CIT: variants seen among roughly 807,000 people sequenced by gnomAD.
CIT encodes the protein citron Rho-interacting kinase.
In CIT, 79 loss-of-function variants were observed where a neutral mutation model predicts 272.7. The ratio of observed to expected loss-of-function variants is 0.29; its 90% CI spans 0.24 to 0.35. CIT has a LOEUF of 0.35. Ranked by LOEUF, CIT falls within the 10% of genes least tolerant of loss-of-function variation. The pLI, the probability that CIT is intolerant of heterozygous loss-of-function variation, is 1.00. For missense variants in CIT, 1,909 were observed against 2,618.3 expected (o/e 0.73, Z 5.91); for synonymous variants, 948 against 995.6 (o/e 0.95, Z 0.90).
intron 7 of CIT, among the ~76,000 whole-genome samples, chr12:119,828,657 G>C (rs569641196): frequency 7.0e-4 from 106 of 151,976 alleles, no homozygotes; most frequent in African/African-American, 2.5e-3. Context: ...CCAGCCCCTG[G>C]GTTCAAGCAA....
At chr12:119,774,574 G>A (rs1258855648) in intron 16 of CIT, among the ~76,000 whole-genome samples, 2 of 152,114 alleles carry the variant, frequency 1.3e-5, no homozygotes, top group Non-Finnish European at 2.9e-5. Flanking sequence ...GTGTGTGTGT[G>A]TGTGTGTGTG....
intron 9 of CIT, among the ~76,000 whole-genome samples, chr12:119,807,224 G>A (rs930821259): frequency 9.9e-5 from 15 of 152,114 alleles, no homozygotes; most frequent in South Asian, 2.1e-4. Context: ...ACAAAGAGAC[G>A]GAAAACATGA....
chr12:119,781,966 GC>G (rs112039765), intron 13 of CIT, among the ~76,000 whole-genome samples: 7,984 of 152,176 alleles, frequency 0.052, 658 homozygotes, highest in African/African-American at 0.18. Context: ...TTTCAGCTTT[GC>G]AGGCCACATG....
At chr12:119,698,164 C>T in intron 44 of CIT, 110 bp from the exon 45 acceptor site, 1 of 917,240 alleles carries the variant, frequency 1.1e-6, no homozygotes, top group Non-Finnish European at 1.8e-6. Flanking sequence ...TGTAAAGCAA[C>T]TCACCCAACA....
Position 119,713,418 on chromosome 12 carries a change from A to G in CIT, c.4487+50T>C. 6.3e-7 allele frequency: 1 copy of G among 1,599,340 alleles called. No individual in the cohort carries two copies. Among genetic ancestry groups the G allele is most frequent in the Non-Finnish European group, 8.5e-7 (1 of 1,170,070 alleles). On this transcript the variant is annotated intron_variant, in intron 34 of 47. Transcript: ENST00000392521. The surrounding 1 kb of genome is among the most constrained non-coding windows in gnomAD (Gnocchi z 5.2). The stretch of plus-strand genomic sequence containing the variant: ...CTTCCCTAGAAAACATCAGGGACAG[A>G]GTGGCTTGTGCCAGCACCTGCTCCA...
intron 7 of CIT, among the ~76,000 whole-genome samples, chr12:119,827,126 G>A (rs554076513): frequency 2.0e-5 from 3 of 152,144 alleles, no homozygotes; most frequent in East Asian, 3.9e-4. Context: ...ATTGTCCACC[G>A]GTTTGGGCAA....
intron 9 of CIT, among the ~76,000 whole-genome samples, chr12:119,817,369 G>A (rs1452721870): frequency 9.2e-5 from 14 of 151,980 alleles, no homozygotes; most frequent in South Asian, 2.1e-4. Flanking sequence ...AAAATTAGCC[G>A]GGCGTGTTGG....
chr12:119,853,568 G>A (rs1238280227), intron 4 of CIT, among the ~76,000 whole-genome samples: 1 of 151,916 alleles, frequency 6.6e-6, no homozygotes, highest in African/African-American at 2.4e-5. Context: ...CGTGAGCAAA[G>A]TCACAGGTTT....
intron 9 of CIT, among the ~76,000 whole-genome samples, chr12:119,812,800 A>G (rs1966863547): frequency 6.7e-6 from 1 of 148,688 alleles, no homozygotes; most frequent in African/African-American, 2.5e-5. Flanking sequence ...GGTTGGAGAC[A>G]TCGCACCCGG....
At chr12:119,756,844 A>G (rs532326114) in intron 22 of CIT, among the ~76,000 whole-genome samples, 1 of 152,184 alleles carries the variant, frequency 6.6e-6, no homozygotes, top group South Asian at 2.1e-4. Flanking sequence ...GCTAGCACAA[A>G]TTGGCCAGGC....
chr12:119,877,079 G>T (rs1950874715), intron 1 of CIT, among the ~76,000 whole-genome samples, 170 bp downstream of exon 1: 1 of 152,110 alleles, frequency 6.6e-6, no homozygotes, highest in African/African-American at 2.4e-5. Flanking sequence ...AGGTGGGCGC[G>T]CGCACAGCTA....
At chr12:119,772,302 T>TCAA (rs949382145) in intron 17 of CIT, among the ~76,000 whole-genome samples, 56 of 152,110 alleles carry the variant, frequency 3.7e-4, no homozygotes, top group African/African-American at 1.1e-3. Flanking sequence ...ACAAATGATT[T>TCAA]CAACAACAAC....
chr12:119,843,793 C>T (rs559371803), intron 5 of CIT, among the ~76,000 whole-genome samples: 2 of 151,740 alleles, frequency 1.3e-5, no homozygotes, highest in African/African-American at 2.4e-5. Context: ...CTGGGCAAAG[C>T]GAGACTCCAT....
chr12:119,704,893 G>C (rs1283900143), intron 40 of CIT, among the ~76,000 whole-genome samples: 1 of 152,176 alleles, frequency 6.6e-6, no homozygotes, highest in Non-Finnish European at 1.5e-5. Flanking sequence ...AGGTGGTAGA[G>C]ACTGCTAAAC....
At position 119,825,271 on chromosome 12, in the gene CIT, C is replaced by G. The variant is rs1490177541; in HGVS notation, c.851G>C (p.Cys284Ser). Residue 284 changes from cysteine to serine, a missense_variant, in exon 8 of 48, where the codon TGT becomes TCT. Cys to Ser is a moderately radical substitution (Grantham distance 112). Transcript: ENST00000392521. ...GDGKGTYGLD[C>S]DWWSVGVIAY... Reference sequence around the variant, plus strand: ...AATCACGCCCACTGACCACCAGTCACAGTCCAGGCCGTAGGTGCCTTTTCC... The same window carrying G: ...AATCACGCCCACTGACCACCAGTCAGAGTCCAGGCCGTAGGTGCCTTTTCC... The G allele has an allele frequency of 6.2e-7, 1 of 1,614,194 alleles. No homozygotes were observed. The highest frequency in any genetic ancestry group is 1.1e-5 in the South Asian group (1 of 91,084).
At chr12:119,871,337 A>G (rs944730268) in intron 2 of CIT, among the ~76,000 whole-genome samples, 5 of 152,120 alleles carry the variant, frequency 3.3e-5, no homozygotes, top group African/African-American at 1.2e-4. Context: ...CAACCCACAG[A>G]ATCCTAAGAA....
chr12:119,741,632 G>C (rs1025373290), intron 24 of CIT, among the ~76,000 whole-genome samples: 10 of 152,114 alleles, frequency 6.6e-5, no homozygotes, highest in Non-Finnish European at 1.5e-4. Flanking sequence ...GGTGTCTCTG[G>C]AAATTCACAA....
intron 24 of CIT, among the ~76,000 whole-genome samples, chr12:119,741,571 G>C (rs1232501577): frequency 6.6e-6 from 1 of 152,192 alleles, no homozygotes; most frequent in African/African-American, 2.4e-5. Flanking sequence ...AAAGAGGAAA[G>C]AAAGGGCTCA....
intron 10 of CIT, among the ~76,000 whole-genome samples, chr12:119,790,913 T>C (rs1965253040): frequency 6.6e-6 from 1 of 152,206 alleles, no homozygotes; most frequent in African/African-American, 2.4e-5. Flanking sequence ...GGAGAGAGAA[T>C]TAATGCCACG....
Sources: gnomAD v4.1 joint callset for allele counts (sites outside exome capture counted in the v4.1 genomes callset) on GRCh38, gnomAD v4.1.1 for gene constraint, Gnocchi (gnomAD v3.1) non-coding constraint, MANE v1.5 for transcripts, NCBI Gene and HGNC (gene_info 2026-07-23, HGNC 2026-07-21) for gene names.